The following ATRNL1 variants were observed in gnomAD, a reference collection of about 807,000 sequenced individuals.
ATRNL1 encodes the protein attractin-like protein 1.
A neutral mutation model predicts 182.7 loss-of-function variants in ATRNL1; 95 were observed. That is an observed-to-expected ratio of 0.52 (90% CI 0.44 to 0.62). The LOEUF is 0.62. Among genes scored for constraint, ATRNL1 ranks in the 20% least tolerant of loss-of-function variants. The pLI is 0.00. For missense variants in ATRNL1, 1,471 were observed against 1,679.5 expected (o/e 0.88, Z 2.17); for synonymous variants, 576 against 568.3 (o/e 1.01, Z -0.19).
At chr10:115,542,365 A>G (rs1362221015) in intron 25 of ATRNL1, among the ~76,000 whole-genome samples, 4 of 152,058 alleles carry the variant, frequency 2.6e-5, no homozygotes, top group African/African-American at 7.2e-5. Context: ...ATTCTTTCCC[A>G]GCCTTCATTT....
intron 8 of ATRNL1, among the ~76,000 whole-genome samples, chr10:115,214,041 T>TACACACACACACACACAC (rs149167399): frequency 4.6e-4 from 68 of 147,196 alleles, no homozygotes; most frequent in Middle Eastern, 3.4e-3. Context: ...TACAAATATG[T>TACACACACACACACACAC]ACACACACAC....
At chr10:115,856,448 A>AAAAAAAAAAAAAAAAAAAAAAAAAC (rs1555102095) in intron 28 of ATRNL1, among the ~76,000 whole-genome samples, 3 of 147,838 alleles carry the variant, frequency 2.0e-5, no homozygotes, top group Non-Finnish European at 4.5e-5. Flanking sequence ...AAAAAAAAAA[A>AAAAAAAAAAAAAAAAAAAAAAAAAC]AAGCCATACA....
At chr10:115,227,121 G>A (rs1849732193) in intron 9 of ATRNL1, among the ~76,000 whole-genome samples, 2 of 151,986 alleles carry the variant, frequency 1.3e-5, no homozygotes, top group Non-Finnish European at 2.9e-5. Flanking sequence ...GAAACCATTA[G>A]CAGAGCAAAC....
intron 19 of ATRNL1, among the ~76,000 whole-genome samples, chr10:115,357,604 G>A (rs2134145086): frequency 6.6e-6 from 1 of 151,544 alleles, no homozygotes; most frequent in African/African-American, 2.4e-5. Flanking sequence ...TATGCCATAG[G>A]ACATGGATCC....
rs1012042063 is a variant in ATRNL1 at position 115,727,113 on chromosome 10, A to G, written c.3796-135A>G. 6.3e-6 allele frequency: 4 copies of G among 637,072 alleles called. No homozygotes were observed. In the Admixed American group the frequency reaches 1.1e-4, roughly 17 times the overall value. 39.5% of individuals were successfully genotyped at this position (637,072 alleles called of 1,614,324 possible). ...GGAGAAAGTAATTTTCATCTTTAGT[A>G]TTCTAGATATGGATATCTGTATAAA... On this transcript the variant is annotated intron_variant, in intron 26 of 28. Transcript: ENST00000355044.
chr10:115,783,245 CACA>C (rs1949312272), intron 27 of ATRNL1, among the ~76,000 whole-genome samples: 3 of 152,048 alleles, frequency 2.0e-5, no homozygotes, highest in African/African-American at 4.8e-5. Context: ...CACACACACA[CACA>C]CACACACATT....
At chr10:115,236,309 A>C (rs567907590) in intron 9 of ATRNL1, among the ~76,000 whole-genome samples, 1 of 152,278 alleles carries the variant, frequency 6.6e-6, no homozygotes, top group South Asian at 2.1e-4. Flanking sequence ...CTGTAGCTCT[A>C]CATATCTATC....
chr10:115,594,115 T>C (rs1238720426), intron 26 of ATRNL1, among the ~76,000 whole-genome samples: 1 of 152,146 alleles, frequency 6.6e-6, no homozygotes, highest in Non-Finnish European at 1.5e-5. Flanking sequence ...TACTTTCGTA[T>C]ACCTATGAGT....
intron 26 of ATRNL1, among the ~76,000 whole-genome samples, chr10:115,604,657 C>T (rs1856781590): frequency 6.6e-6 from 1 of 152,140 alleles, no homozygotes; most frequent in Non-Finnish European, 1.5e-5. Context: ...GGATACCCTT[C>T]CTACATCACA....
chr10:115,698,763 C>T (rs184890185), intron 26 of ATRNL1, among the ~76,000 whole-genome samples: 10 of 150,034 alleles, frequency 6.7e-5, no homozygotes, highest in Middle Eastern at 3.4e-3. Context: ...GGCAACAGAG[C>T]GAGACTCCAT....
intron 28 of ATRNL1, among the ~76,000 whole-genome samples, chr10:115,905,680 AT>A (rs1390285690): frequency 1.3e-5 from 2 of 152,148 alleles, no homozygotes; most frequent in Non-Finnish European, 2.9e-5. Context: ...ATCCGTGTAA[AT>A]GGTCAACTCC....
At chr10:115,159,473 C>G (rs564975840) in intron 5 of ATRNL1, among the ~76,000 whole-genome samples, 42 of 150,030 alleles carry the variant, frequency 2.8e-4, no homozygotes, top group Non-Finnish European at 5.8e-4. Context: ...ATTTTTTTTT[C>G]TTTTTGAGGA....
chr10:115,497,189 A>G (rs1554978572), intron 24 of ATRNL1, among the ~76,000 whole-genome samples: 1 of 152,090 alleles, frequency 6.6e-6, no homozygotes, highest in African/African-American at 2.4e-5. Flanking sequence ...AAATTTTTGT[A>G]GTGTGTTTTG....
chr10:115,460,079 G>C (rs1251332106), intron 21 of ATRNL1, among the ~76,000 whole-genome samples: 6 of 152,062 alleles, frequency 3.9e-5, no homozygotes, highest in Non-Finnish European at 7.4e-5. Context: ...TCTCTCCTGA[G>C]TAGCCATTTC....
chr10:115,289,287 G>A (rs907816615), intron 15 of ATRNL1, among the ~76,000 whole-genome samples: 6 of 152,182 alleles, frequency 3.9e-5, no homozygotes, highest in Non-Finnish European at 8.8e-5. Context: ...TTCAAGATGA[G>A]ATATGGATGG....
chr10:115,357,559 G>A (rs1856556747), intron 19 of ATRNL1, among the ~76,000 whole-genome samples: 1 of 151,492 alleles, frequency 6.6e-6, no homozygotes, highest in South Asian at 2.1e-4. Context: ...ATATTATTTA[G>A]GAAGAAGTGC....
intron 10 of ATRNL1, among the ~76,000 whole-genome samples, chr10:115,261,079 G>T (rs553221621): frequency 1.3e-5 from 2 of 151,940 alleles, no homozygotes; most frequent in Admixed American, 1.3e-4. Context: ...AAGACAAAAA[G>T]AACCTAAAAA....
intron 26 of ATRNL1, among the ~76,000 whole-genome samples, chr10:115,718,010 C>G (rs1294290793): frequency 6.6e-6 from 1 of 152,114 alleles, no homozygotes; most frequent in African/African-American, 2.4e-5. Context: ...AGTCCGTACA[C>G]GATTCACTAG....
intron 26 of ATRNL1, among the ~76,000 whole-genome samples, chr10:115,691,020 CT>C (rs1317411092): frequency 2.0e-5 from 3 of 152,130 alleles, no homozygotes; most frequent in Non-Finnish European, 4.4e-5. Context: ...CCTTCTCTGC[CT>C]CAGGTGTTTC....
Sources: allele counts gnomAD v4.1 joint callset (sites outside exome capture counted in the v4.1 genomes callset), GRCh38; gene constraint gnomAD v4.1.1; transcripts MANE v1.5; gene names NCBI Gene and HGNC (gene_info 2026-07-23, HGNC 2026-07-21).